SMAP1: variants seen among roughly 807,000 people sequenced by gnomAD.
The protein encoded by SMAP1 is stromal membrane-associated protein 1.
A neutral mutation model predicts 58.5 loss-of-function variants in SMAP1; 24 were observed. The ratio of observed to expected loss-of-function variants is 0.41; its 90% CI spans 0.30 to 0.58. The LOEUF (loss-of-function observed/expected upper bound fraction) is 0.58. SMAP1 is among the 20% of genes least tolerant of loss of function. The pLI is 0.29. For missense variants in SMAP1, 563 were observed against 566.3 expected (o/e 0.99, Z 0.06); for synonymous variants, 216 against 196.6 (o/e 1.10, Z -0.82).
chr6:70,703,354 G>A (rs1317393147), intron 1 of SMAP1, among the ~76,000 whole-genome samples: 1 of 152,178 alleles, frequency 6.6e-6, no homozygotes, highest in Non-Finnish European at 1.5e-5. Flanking sequence ...GATTACAGGT[G>A]TGAGCCACCA....
At chr6:70,785,051 A>C (rs1767946233) in intron 4 of SMAP1, among the ~76,000 whole-genome samples, 1 of 152,196 alleles carries the variant, frequency 6.6e-6, no homozygotes, top group Admixed American at 6.5e-5. Flanking sequence ...ACATAGTTGG[A>C]AGTAAAGGTC....
At chr6:70,697,292 C>G (rs1158919131) in intron 1 of SMAP1, among the ~76,000 whole-genome samples, 1 of 150,206 alleles carries the variant, frequency 6.7e-6, no homozygotes, top group African/African-American at 2.5e-5. Flanking sequence ...GTTTTGTGGT[C>G]TTCTCTTCCT....
At chr6:70,855,372 A>G (rs1343551750) in intron 8 of SMAP1, among the ~76,000 whole-genome samples, 2 of 152,108 alleles carry the variant, frequency 1.3e-5, no homozygotes, top group Non-Finnish European at 2.9e-5. Flanking sequence ...TGAGGTAGAT[A>G]TTTCATATTA....
chr6:70,729,459 TTGTG>T lies in SMAP1; in HGVS notation c.119-2887_119-2884del, dbSNP rs35058846. On this transcript the variant is annotated intron_variant, in intron 1 of 10. Transcript: ENST00000370455. Reference sequence around the variant, plus strand: ...GTCTCAAAAAAAAAAAAAAAGAAGGTTGTGTGTGTGTGTGTGTGTGTGTGTGTGT... The same window carrying T: ...GTCTCAAAAAAAAAAAAAAAGAAGGTTGTGTGTGTGTGTGTGTGTGTGTGT... Among the ~76,000 whole-genome samples the T allele has an allele frequency of 4.9e-3, 625 of 128,160 alleles. 10 individuals are homozygous for T. Among genetic ancestry groups the T allele is most frequent in the African/African-American group, 0.016 (552 of 34,094 alleles). The allele number at this position is 128,160 out of a possible 152,430, so 84.1% of individuals were successfully genotyped here.
intron 1 of SMAP1, among the ~76,000 whole-genome samples, chr6:70,686,843 A>G (rs1766955674): frequency 6.6e-6 from 1 of 152,240 alleles, no homozygotes; most frequent in Non-Finnish European, 1.5e-5. Context: ...AACTTGGGAA[A>G]AAATACCCTT....
intron 2 of SMAP1, among the ~76,000 whole-genome samples, chr6:70,753,757 G>C (rs1256606383): frequency 6.6e-6 from 1 of 151,956 alleles, no homozygotes; most frequent in Non-Finnish European, 1.5e-5. Flanking sequence ...TCATCTTGGA[G>C]CTTAATGGTA....
At chr6:70,853,199 G>C (rs1461657814) in intron 8 of SMAP1, among the ~76,000 whole-genome samples, 1 of 151,460 alleles carries the variant, frequency 6.6e-6, no homozygotes, top group East Asian at 1.9e-4. Flanking sequence ...AATCTACCTT[G>C]CTTTTTTTTT....
At chr6:70,730,643 A>G (rs979823067) in intron 1 of SMAP1, among the ~76,000 whole-genome samples, 1 of 152,182 alleles carries the variant, frequency 6.6e-6, no homozygotes, top group African/African-American at 2.4e-5. Context: ...CATGTGCATA[A>G]TCTTCCTCCT....
intron 1 of SMAP1, among the ~76,000 whole-genome samples, chr6:70,721,335 T>C (rs1768518042): frequency 6.6e-6 from 1 of 152,214 alleles, no homozygotes. Context: ...GGCAAAATGC[T>C]GCCAATCTCT....
At chr6:70,682,351 G>A (rs1766752920) in intron 1 of SMAP1, among the ~76,000 whole-genome samples, 1 of 151,750 alleles carries the variant, frequency 6.6e-6, no homozygotes, top group Admixed American at 6.6e-5. Flanking sequence ...ACCACGCCCA[G>A]CTAACTTTTG....
At chr6:70,850,702 T>A (rs1375968180) in intron 7 of SMAP1, among the ~76,000 whole-genome samples, 1 of 152,204 alleles carries the variant, frequency 6.6e-6, no homozygotes. Flanking sequence ...TTATATGTCA[T>A]TATTATTGGA....
intron 1 of SMAP1, chr6:70,668,859 A>G: frequency 3.0e-6 from 3 of 989,654 alleles, no homozygotes; most frequent in Non-Finnish European, 4.3e-6. Flanking sequence ...TGTATTTCTG[A>G]AGATTTTAGT....
At chr6:70,805,813 T>C (rs1769100369) in intron 6 of SMAP1, among the ~76,000 whole-genome samples, 1 of 152,212 alleles carries the variant, frequency 6.6e-6, no homozygotes, top group Admixed American at 6.5e-5. Context: ...GACGCTGTTT[T>C]CCTGGGTGTC....
intron 2 of SMAP1, among the ~76,000 whole-genome samples, chr6:70,746,994 A>G (rs1318694026): frequency 6.6e-6 from 1 of 152,236 alleles, no homozygotes; most frequent in African/African-American, 2.4e-5. Flanking sequence ...ACATGTATGT[A>G]TCAGTCATCT....
intron 1 of SMAP1, among the ~76,000 whole-genome samples, chr6:70,687,927 G>T (rs1313271429): frequency 6.6e-6 from 1 of 152,014 alleles, no homozygotes; most frequent in African/African-American, 2.4e-5. Context: ...CTCTTGTGTT[G>T]CCCTCTTAAA....
At chr6:70,846,070 A>G (rs147824268) in intron 7 of SMAP1, among the ~76,000 whole-genome samples, 1,651 of 152,292 alleles carry the variant, frequency 0.011, 35 homozygotes, top group African/African-American at 0.037. Context: ...TGTAAACTCT[A>G]AGAGAGGCGA....
chr6:70,744,481 T>C (rs984264719), intron 2 of SMAP1, among the ~76,000 whole-genome samples: 2 of 152,162 alleles, frequency 1.3e-5, no homozygotes, highest in Non-Finnish European at 2.9e-5. Context: ...GCTTCATCCA[T>C]GACCTACAAA....
chr6:70,791,841 A>G (rs1486502120), intron 5 of SMAP1, 72 bp downstream of exon 5: 2 of 1,254,494 alleles, frequency 1.6e-6, no homozygotes, highest in Non-Finnish European at 1.2e-6. Context: ...GCAGTGTGTC[A>G]TTCGGGAACA....
intron 1 of SMAP1, among the ~76,000 whole-genome samples, chr6:70,718,105 G>A (rs892309764): frequency 1.3e-5 from 2 of 151,214 alleles, no homozygotes; most frequent in Non-Finnish European, 2.9e-5. Context: ...TTCCCCTTCC[G>A]ACTTAAAAAA....
Sources: gnomAD v4.1 joint callset for allele counts (sites outside exome capture counted in the v4.1 genomes callset) on GRCh38, gnomAD v4.1.1 for gene constraint, MANE v1.5 for transcripts, NCBI Gene and HGNC (gene_info 2026-07-23, HGNC 2026-07-21) for gene names.